The following WDR7 variants were observed in gnomAD, a reference collection of about 807,000 sequenced individuals.
WDR7 encodes WD repeat-containing protein 7.
A neutral mutation model predicts 169.4 loss-of-function variants in WDR7; 46 were observed. The observed-to-expected ratio is 0.27, with a 90% CI of 0.21 to 0.35. The LOEUF (loss-of-function observed/expected upper bound fraction) is 0.35, where lower values mean the gene tolerates loss of function less well. Ranked by LOEUF, WDR7 falls within the 10% of genes least tolerant of loss-of-function variation. WDR7 has a pLI of 1.00. For synonymous variants in WDR7, 612 were observed against 666.8 expected, an observed-to-expected ratio of 0.92 and a Z score of 1.27; for missense variants, 1,534 against 1,859.3, an observed-to-expected ratio of 0.83 and a Z score of 3.22.
At chr18:56,944,629 A>G (rs142241089) in intron 25 of WDR7, among the ~76,000 whole-genome samples, 25 of 152,296 alleles carry the variant, frequency 1.6e-4, no homozygotes, top group Middle Eastern at 3.4e-3. Flanking sequence ...AATTTTGTTC[A>G]TATAATAGCT....
chr18:56,959,383 A>T (rs1410208443), intron 25 of WDR7, among the ~76,000 whole-genome samples: 2 of 152,174 alleles, frequency 1.3e-5, no homozygotes, highest in Non-Finnish European at 2.9e-5. Flanking sequence ...GATGATGACC[A>T]CCTCAGCTCC....
At chr18:56,726,828 C>A (rs1046306777) in intron 13 of WDR7, among the ~76,000 whole-genome samples, 2 of 152,114 alleles carry the variant, frequency 1.3e-5, no homozygotes, top group African/African-American at 2.4e-5. Flanking sequence ...TCCATTCTGG[C>A]TGGTCAGAGT....
chr18:56,756,540 A>G (rs950282670), intron 14 of WDR7, 43 bp from the exon 15 acceptor site: 3 of 1,433,222 alleles, frequency 2.1e-6, no homozygotes, highest in African/African-American at 2.9e-5. Context: ...TATGAAATTA[A>G]GCACTTTTAA....
Position 56,694,632 on chromosome 18 carries a change from C to A in WDR7, c.980C>A (p.Pro327His). Residue 327 changes from proline (P) to histidine (H), a missense_variant, in exon 10 of 28, where the codon CCT becomes CAT. By Grantham distance (77) the Pro-to-His change is moderately conservative. Transcript: ENST00000254442. ...DRKDKELLIC[P>H]PVTRFFYGCR... ...TTTTTTTGGCAGTTGCTAATTTGTC[C>A]TCCTGTTACTCGGTTCTTCTATGGA... 1 of 1,607,478 alleles carries A rather than the reference C, an allele frequency of 6.2e-7. No homozygotes were observed. Among genetic ancestry groups the A allele is most frequent in the Admixed American group, 1.7e-5 (1 of 59,256 alleles).
At chr18:56,932,903 G>GTGTC (rs1210845432) in intron 22 of WDR7, among the ~76,000 whole-genome samples, 8 of 150,358 alleles carry the variant, frequency 5.3e-5, no homozygotes, top group Middle Eastern at 3.4e-3. Flanking sequence ...GTGTGTGTGT[G>GTGTC]TGTCTATCTG....
At chr18:56,818,474 T>C (rs1158673736) in intron 20 of WDR7, among the ~76,000 whole-genome samples, 1 of 152,230 alleles carries the variant, frequency 6.6e-6, no homozygotes, top group Non-Finnish European at 1.5e-5. Context: ...ATGGCTTTTA[T>C]CTGCTGATTT....
At chr18:56,809,832 C>T (rs1404697664) in intron 19 of WDR7, among the ~76,000 whole-genome samples, 1 of 151,962 alleles carries the variant, frequency 6.6e-6, no homozygotes, top group South Asian at 2.1e-4. Flanking sequence ...TAGTAAAATG[C>T]ACACTTTTAA....
At chr18:56,956,772 A>G (rs749758001) in intron 25 of WDR7, among the ~76,000 whole-genome samples, 1 of 152,130 alleles carries the variant, frequency 6.6e-6, no homozygotes, top group Non-Finnish European at 1.5e-5. Context: ...CATGCAGTTG[A>G]TTCGATTTTA....
chr18:56,820,880 T>TA, intron 20 of WDR7, among the ~76,000 whole-genome samples: 1 of 152,270 alleles, frequency 6.6e-6, no homozygotes, highest in East Asian at 1.9e-4. Flanking sequence ...CATTCTTTCT[T>TA]AAAAAACTTA....
At chr18:56,708,183 G>A (rs1268892884) in intron 12 of WDR7, among the ~76,000 whole-genome samples, 2 of 151,842 alleles carry the variant, frequency 1.3e-5, no homozygotes, top group Admixed American at 6.6e-5. Flanking sequence ...ACAAGGGCTC[G>A]CCAACACACT....
intron 13 of WDR7, among the ~76,000 whole-genome samples, chr18:56,721,996 T>A (rs1335785826): frequency 1.3e-5 from 2 of 152,228 alleles, no homozygotes; most frequent in African/African-American, 4.8e-5. Context: ...TTTCTTTTTA[T>A]GTTCTGCACT....
chr18:56,788,002 C>T (rs56303488), intron 19 of WDR7, among the ~76,000 whole-genome samples: 465 of 152,266 alleles, frequency 3.1e-3, no homozygotes, highest in Non-Finnish European at 4.9e-3. Flanking sequence ...AACTACACAG[C>T]GTTCTTCCTT....
chr18:56,946,566 T>C (rs766834117), intron 25 of WDR7, among the ~76,000 whole-genome samples: 2 of 152,234 alleles, frequency 1.3e-5, no homozygotes, highest in Non-Finnish European at 1.5e-5. Flanking sequence ...TAGGAAGTTA[T>C]GGCTTTTGTC....
At chr18:56,663,351 A>G (rs1333087206) in intron 1 of WDR7, among the ~76,000 whole-genome samples, 1 of 152,104 alleles carries the variant, frequency 6.6e-6, no homozygotes, top group East Asian at 1.9e-4. Context: ...TATAAAAAGC[A>G]TTTTGTAGAT....
intron 22 of WDR7, among the ~76,000 whole-genome samples, chr18:56,925,787 C>T (rs1226478899): frequency 6.6e-6 from 1 of 152,100 alleles, no homozygotes; most frequent in African/African-American, 2.4e-5. Flanking sequence ...TCATTCAAAC[C>T]TAAACAGCTG....
downstream of WDR7, chr18:57,031,081 G>T (rs1233706132): frequency 6.7e-6 from 1 of 150,208 alleles, no homozygotes; most frequent in Non-Finnish European, 1.5e-5. Flanking sequence ...GCTACAGATT[G>T]TTTTGTTTTG....
At position 56,671,728 on chromosome 18, in the gene WDR7, G is replaced by A. The variant is rs114658822; in HGVS notation, c.-19-769G>A. Among the ~76,000 whole-genome samples, 374 of 152,338 alleles carry A rather than the reference G, an allele frequency of 2.5e-3. 1 individual carries two copies. The highest frequency in any genetic ancestry group is 8.2e-3 in the African/African-American group (342 of 41,586). ...TCTGAAGTCAGGCTGCCTGGGTTCTGATCTGGGCTCCATCACTTATCGCTT... is the reference window on the plus strand; with the variant it reads ...TCTGAAGTCAGGCTGCCTGGGTTCTAATCTGGGCTCCATCACTTATCGCTT... On this transcript the variant is annotated intron_variant, in intron 1 of 27. Transcript: ENST00000254442.
At chr18:56,720,455 A>G (rs1179491720) in intron 13 of WDR7, among the ~76,000 whole-genome samples, 2 of 151,156 alleles carry the variant, frequency 1.3e-5, no homozygotes, top group Non-Finnish European at 2.9e-5. Flanking sequence ...TCTTAAAAAT[A>G]AACAAACAAA....
chr18:57,013,370 A>G (rs2048163629), intron 26 of WDR7, among the ~76,000 whole-genome samples: 1 of 152,220 alleles, frequency 6.6e-6, no homozygotes, highest in South Asian at 2.1e-4. Flanking sequence ...GGTATAGCAT[A>G]GTAATGCATG....
Sources: allele counts gnomAD v4.1 joint callset (sites outside exome capture counted in the v4.1 genomes callset), GRCh38; gene constraint gnomAD v4.1.1; transcripts MANE v1.5; gene names NCBI Gene and HGNC (gene_info 2026-07-23, HGNC 2026-07-21).